NELL1: variants seen among roughly 807,000 people sequenced by gnomAD.
The protein encoded by NELL1 is neural EGFL like 1.
In NELL1, 76 loss-of-function variants were observed where a neutral mutation model predicts 107.4. The ratio of observed to expected loss-of-function variants is 0.71; its 90% confidence interval spans 0.59 to 0.86. The LOEUF is 0.86. NELL1 is among the 40% of genes least tolerant of loss of function. The pLI, the probability that NELL1 is intolerant of heterozygous loss-of-function variation, is 0.00. For synonymous variants in NELL1, 353 were observed against 341.2 expected, an observed-to-expected ratio of 1.03 and a Z score of -0.38; for missense variants, 1,024 against 1,005.5, an observed-to-expected ratio of 1.02 and a Z score of -0.25.
intron 15 of NELL1, among the ~76,000 whole-genome samples, chr11:21,476,918 C>G (rs768912203): frequency 6.6e-6 from 1 of 152,058 alleles, no homozygotes; most frequent in Non-Finnish European, 1.5e-5. Flanking sequence ...GCAGCTCTAG[C>G]GAGAGGGGAA....
At chr11:21,554,339 C>T (rs761287858) in intron 16 of NELL1, among the ~76,000 whole-genome samples, 1 of 151,816 alleles carries the variant, frequency 6.6e-6, no homozygotes, top group Non-Finnish European at 1.5e-5. Context: ...CAACATGTTT[C>T]ACTTAACATC....
At chr11:20,801,354 G>A (rs1857277797) in intron 3 of NELL1, among the ~76,000 whole-genome samples, 1 of 152,176 alleles carries the variant, frequency 6.6e-6, no homozygotes, top group Admixed American at 6.5e-5. Context: ...AAATGGCAGA[G>A]CCAGAATGCA....
chr11:21,354,395 A>G (rs561624566), intron 14 of NELL1, among the ~76,000 whole-genome samples: 16 of 152,048 alleles, frequency 1.1e-4, no homozygotes, highest in Non-Finnish European at 2.1e-4. Context: ...ACTTAGTTAA[A>G]ACTTCAAACC....
chr11:21,435,101 A>G (rs956506413), intron 15 of NELL1, among the ~76,000 whole-genome samples: 2 of 151,280 alleles, frequency 1.3e-5, no homozygotes, highest in Admixed American at 1.3e-4. Context: ...GGGGTTTTCT[A>G]TGTATAAGAT....
chr11:21,135,133 C>T (rs1007701716), intron 13 of NELL1, among the ~76,000 whole-genome samples: 1 of 152,134 alleles, frequency 6.6e-6, no homozygotes, highest in Non-Finnish European at 1.5e-5. Context: ...TCACCTTTAT[C>T]ATTGTGATAT....
At chr11:20,874,490 T>C (rs540766759) in intron 4 of NELL1, among the ~76,000 whole-genome samples, 2 of 152,336 alleles carry the variant, frequency 1.3e-5, no homozygotes, top group East Asian at 3.9e-4. Context: ...AGTCACTTCA[T>C]CTCTGTGAAC....
chr11:21,426,019 A>G (rs1852813002), intron 15 of NELL1, among the ~76,000 whole-genome samples: 3 of 152,172 alleles, frequency 2.0e-5, no homozygotes, highest in Non-Finnish European at 2.9e-5. Flanking sequence ...CAGAAGTGGG[A>G]AGATTTGACA....
intron 15 of NELL1, among the ~76,000 whole-genome samples, chr11:21,453,339 C>A (rs1478652746): frequency 6.6e-6 from 1 of 152,022 alleles, no homozygotes; most frequent in African/African-American, 2.4e-5. Context: ...TATTAATTGA[C>A]CTCTGATAAT....
chr11:21,046,684 A>AC (rs1853362824), intron 12 of NELL1, among the ~76,000 whole-genome samples: 1 of 96,126 alleles, frequency 1.0e-5, no homozygotes, highest in Non-Finnish European at 1.9e-5. Flanking sequence ...TCAATTATTT[A>AC]TTTATTTATT....
intron 15 of NELL1, among the ~76,000 whole-genome samples, chr11:21,458,057 G>C (rs2133868030): frequency 6.6e-6 from 1 of 152,224 alleles, no homozygotes; most frequent in East Asian, 1.9e-4. Context: ...TCACTCTCCA[G>C]GAAATCTGGC....
chr11:20,697,389 A>G (rs546772019), intron 2 of NELL1, among the ~76,000 whole-genome samples: 2 of 136,288 alleles, frequency 1.5e-5, no homozygotes, highest in African/African-American at 2.8e-5. Context: ...ATTCTTTAAT[A>G]TGTTGCTTTT....
At chr11:21,207,401 G>C (rs1185174395) in intron 13 of NELL1, among the ~76,000 whole-genome samples, 1 of 152,078 alleles carries the variant, frequency 6.6e-6, no homozygotes, top group African/African-American at 2.4e-5. Flanking sequence ...AGGATGCCAT[G>C]AACTCTATAT....
chr11:20,678,542 C>G (rs1343139173), intron 2 of NELL1, among the ~76,000 whole-genome samples: 1 of 152,182 alleles, frequency 6.6e-6, no homozygotes, highest in African/African-American at 2.4e-5. Context: ...AATCATTCAG[C>G]AAGCATTTAT....
At chr11:20,983,054 C>T (rs1008247834) in intron 12 of NELL1, among the ~76,000 whole-genome samples, 1 of 152,154 alleles carries the variant, frequency 6.6e-6, no homozygotes, top group African/African-American at 2.4e-5. Flanking sequence ...ATCAGTAAGA[C>T]TTGGGTTCCA....
intron 12 of NELL1, among the ~76,000 whole-genome samples, chr11:21,081,265 T>G (rs1854262418): frequency 6.6e-6 from 1 of 152,184 alleles, no homozygotes; most frequent in Admixed American, 6.6e-5. Flanking sequence ...GGTAACACAT[T>G]CTATTGTTTC....
chr11:21,216,701 T>C (rs1222725645), intron 13 of NELL1, among the ~76,000 whole-genome samples: 1 of 152,156 alleles, frequency 6.6e-6, no homozygotes, highest in Non-Finnish European at 1.5e-5. Context: ...TTTCTTTCAT[T>C]TGGAGCACGT....
chr11:21,270,200 T>A (rs1438276967), intron 14 of NELL1, among the ~76,000 whole-genome samples: 1 of 152,046 alleles, frequency 6.6e-6, no homozygotes, highest in Non-Finnish European at 1.5e-5. Flanking sequence ...GTGTCACTTG[T>A]GTCAACAATC....
At chr11:21,106,896 C>T (rs1353296972) in intron 12 of NELL1, among the ~76,000 whole-genome samples, 1 of 152,006 alleles carries the variant, frequency 6.6e-6, no homozygotes, top group Non-Finnish European at 1.5e-5. Flanking sequence ...TATCTGTGTT[C>T]CTTTGGGCAA....
chr11:21,311,458 C>T (rs1197533768), intron 14 of NELL1, among the ~76,000 whole-genome samples: 1 of 152,086 alleles, frequency 6.6e-6, no homozygotes, highest in Non-Finnish European at 1.5e-5. Context: ...TTGGGAACTG[C>T]TTTTTTATAT....
Sources: allele counts gnomAD v4.1 joint callset (sites outside exome capture counted in the v4.1 genomes callset), GRCh38; gene constraint gnomAD v4.1.1; transcripts MANE v1.5; gene names NCBI Gene and HGNC (gene_info 2026-07-23, HGNC 2026-07-21).